The following VPS45 variants were observed in gnomAD, a reference collection of about 807,000 sequenced individuals.
VPS45 encodes vacuolar protein sorting 45 homolog.
VPS45 carries 35 observed loss-of-function variants against 75.9 expected under a neutral mutation model. That is an observed-to-expected ratio of 0.46 (90% CI 0.35 to 0.61). The LOEUF is 0.61. Ranked by LOEUF, VPS45 falls within the 20% of genes least tolerant of loss-of-function variation. VPS45 has a pLI of 0.00. For missense variants in VPS45, 559 were observed against 685.9 expected (o/e 0.81, Z 2.07); for synonymous variants, 220 against 238.2 (o/e 0.92, Z 0.70).
At chr1:150,119,571 C>T (rs140335323) in intron 14 of VPS45, among the ~76,000 whole-genome samples, 5 of 152,092 alleles carry the variant, frequency 3.3e-5, no homozygotes, top group African/African-American at 7.2e-5. Flanking sequence ...AGATTTGCCG[C>T]GATATTGCTC....
intron 14 of VPS45, among the ~76,000 whole-genome samples, chr1:150,128,229 G>C (rs117131746): frequency 6.6e-6 from 1 of 151,574 alleles, no homozygotes; most frequent in East Asian, 1.9e-4. Flanking sequence ...TTGAGCCCAG[G>C]GGGCAGAGGT....
At chr1:150,115,093 T>A (rs1657861719) in intron 14 of VPS45, among the ~76,000 whole-genome samples, 1 of 152,170 alleles carries the variant, frequency 6.6e-6, no homozygotes, top group Admixed American at 6.6e-5. Context: ...TTTCTGGAAA[T>A]TTTACAGTCA....
At chr1:150,136,969 G>A (rs1659140831) in intron 14 of VPS45, among the ~76,000 whole-genome samples, 1 of 152,098 alleles carries the variant, frequency 6.6e-6, no homozygotes, top group Non-Finnish European at 1.5e-5. Flanking sequence ...TGCCATCTCG[G>A]CTCACTGCAG....
intron 14 of VPS45, among the ~76,000 whole-genome samples, chr1:150,137,519 C>G (rs1659175816): frequency 6.6e-6 from 1 of 152,126 alleles, no homozygotes; most frequent in Non-Finnish European, 1.5e-5. Context: ...ACTTGGGCAC[C>G]AGAGCCCATC....
chr1:150,123,230 C>T (rs368267725), intron 14 of VPS45, among the ~76,000 whole-genome samples: 1 of 152,174 alleles, frequency 6.6e-6, no homozygotes, highest in African/African-American at 2.4e-5. Flanking sequence ...TAATATTTCA[C>T]TGTATGCATG....
chr1:150,093,931 G>A (rs991801547), intron 13 of VPS45, among the ~76,000 whole-genome samples: 2 of 152,150 alleles, frequency 1.3e-5, no homozygotes, highest in Non-Finnish European at 1.5e-5. Context: ...GGTTCTGTTC[G>A]ATGGCATCTG....
At chr1:150,077,889 C>G in intron 7 of VPS45, 110 bp downstream of exon 7, 1 of 883,994 alleles carries the variant, frequency 1.1e-6, no homozygotes, top group South Asian at 1.5e-5. Flanking sequence ...TTATTTTTAG[C>G]TATTCTTGGT....
intron 14 of VPS45, among the ~76,000 whole-genome samples, chr1:150,124,628 AC>A (rs1376381368): frequency 7.0e-6 from 1 of 143,696 alleles, no homozygotes; most frequent in Non-Finnish European, 1.5e-5. Context: ...CCTCACTCCA[AC>A]CCCCCTACCT....
At position 150,107,314 on chromosome 1, in the gene VPS45, C is replaced by T. The variant is rs587624702; in HGVS notation, c.1494-3182C>T. ...TTTTTGTCTTATGCACAGTAAATGT[C>T]CTTTTTCTCAAACCTAAACCACTAC... On this transcript the variant is annotated intron_variant, in intron 13 of 14. Coordinates refer to ENST00000644510, the MANE Select transcript of VPS45 (RefSeq NM_007259.5). 1.2e-4 allele frequency among the ~76,000 whole-genome samples: 19 copies of T among 152,258 alleles called. No individual in the cohort carries two copies. In the East Asian group the frequency reaches 1.9e-3, roughly 15 times the overall value.
At chr1:150,139,657 G>C (rs1313685256) in intron 14 of VPS45, among the ~76,000 whole-genome samples, 1 of 152,066 alleles carries the variant, frequency 6.6e-6, no homozygotes, top group African/African-American at 2.4e-5. Flanking sequence ...ATGCTCAAGT[G>C]ATCTTTCCAC....
intron 13 of VPS45, chr1:150,109,863 A>T (rs1392372732): frequency 1.3e-5 from 2 of 152,256 alleles, no homozygotes; most frequent in East Asian, 3.9e-4. Flanking sequence ...TTTGGTTTCC[A>T]TGGTTTCTTT....
At chr1:150,103,440 A>C (rs1211081619) in intron 13 of VPS45, among the ~76,000 whole-genome samples, 1 of 152,192 alleles carries the variant, frequency 6.6e-6, no homozygotes, top group African/African-American at 2.4e-5. Context: ...ACATTTATTA[A>C]TGTTTTCATA....
chr1:150,086,042 G>A (rs1655998549), intron 10 of VPS45, among the ~76,000 whole-genome samples: 1 of 151,960 alleles, frequency 6.6e-6, no homozygotes, highest in Non-Finnish European at 1.5e-5. Context: ...AGAGGAACCA[G>A]TCTATTTTGT....
intron 14 of VPS45, among the ~76,000 whole-genome samples, chr1:150,115,530 G>A (rs1340890646): frequency 2.0e-5 from 3 of 152,120 alleles, no homozygotes; most frequent in Non-Finnish European, 2.9e-5. Context: ...AACTCATGAT[G>A]AAGCATTTCT....
intron 14 of VPS45, among the ~76,000 whole-genome samples, chr1:150,134,429 A>G (rs1658975103): frequency 6.6e-6 from 1 of 152,230 alleles, no homozygotes; most frequent in South Asian, 2.1e-4. Flanking sequence ...TATAATAAAT[A>G]CGCTTGAGCC....
At chr1:150,119,069 CAT>C (rs1658096054) in intron 14 of VPS45, among the ~76,000 whole-genome samples, 1 of 152,162 alleles carries the variant, frequency 6.6e-6, no homozygotes, top group African/African-American at 2.4e-5. Flanking sequence ...TGAAATTTAT[CAT>C]ACCAGTAAGA....
At chr1:150,142,040 A>G (rs1659415228) in intron 14 of VPS45, among the ~76,000 whole-genome samples, 2 of 152,226 alleles carry the variant, frequency 1.3e-5, no homozygotes, top group Admixed American at 1.3e-4. Flanking sequence ...TTCATTCGCC[A>G]TAATTTTTTA....
At chr1:150,076,404 AAAG>A in intron 4 of VPS45, 92 bp downstream of exon 4, 1 of 1,025,866 alleles carries the variant, frequency 9.7e-7, no homozygotes, top group Non-Finnish European at 1.4e-6. Flanking sequence ...GTCTGTCTCA[AAAG>A]AAGTTTTATT....
intron 10 of VPS45, among the ~76,000 whole-genome samples, chr1:150,086,654 CAGA>C (rs1304655310): frequency 1.3e-5 from 2 of 152,100 alleles, no homozygotes; most frequent in Non-Finnish European, 2.9e-5. Flanking sequence ...TATTGATCAG[CAGA>C]AGATCTACTG....
Sources: gnomAD v4.1 joint callset for allele counts (sites outside exome capture counted in the v4.1 genomes callset) on GRCh38, gnomAD v4.1.1 for gene constraint, MANE v1.5 for transcripts, NCBI Gene and HGNC (gene_info 2026-07-23, HGNC 2026-07-21) for gene names.